Variants in NXNL1 observed in about 807,000 individuals in gnomAD.
The protein encoded by NXNL1 is nucleoredoxin-like protein 1.
NXNL1 carries 6 observed loss-of-function variants against 7.2 expected under a neutral mutation model. The observed-to-expected ratio is 0.83, with a 90% CI of 0.46 to 1.64. NXNL1 has a LOEUF of 1.64. Ranked by LOEUF, NXNL1 falls within the 40% of genes most tolerant of loss-of-function variation. The probability of loss-of-function intolerance (pLI) is 0.01; values close to 1 mark genes in which losing one functional copy is unlikely to be tolerated. For missense variants in NXNL1, 308 were observed against 285.1 expected (o/e 1.08, Z -0.58); for synonymous variants, 133 against 127.2 (o/e 1.05, Z -0.31).
rs867358346 is a variant in NXNL1 at position 17,460,815 on chromosome 19, C to T, written c.55G>A (p.Glu19Lys). ...CTGACCTCAGCCTCCGTATCCAGCT[C>T]GTCCTGGTCGCTATTGTTGCGGATC... ...ILIRNNSDQDELDTEAEVSRR... is the reference protein window; with the variant it reads ...ILIRNNSDQDKLDTEAEVSRR... The change falls in exon 1 of 2, where the codon GAG becomes AAG. Residue 19 changes from glutamate to lysine, a missense_variant. By Grantham distance (56) the Glu-to-Lys change is moderately conservative. Transcript: ENST00000301944. The T allele has an allele frequency of 6.8e-6, 11 of 1,613,830 alleles. No individual in the cohort carries two copies. Among genetic ancestry groups the T allele is most frequent in the Middle Eastern group, 1.6e-4 (1 of 6,062 alleles).
At chr19:17,456,291 T>C (rs2074993121) in intron 1 of NXNL1, among the ~76,000 whole-genome samples, 1 of 135,872 alleles carries the variant, frequency 7.4e-6, no homozygotes, top group Non-Finnish European at 1.6e-5. Context: ...TTATTTGTAG[T>C]AAGACCCTGT....
At chr19:17,456,439 G>A (rs952957041) in intron 1 of NXNL1, among the ~76,000 whole-genome samples, 22 of 151,956 alleles carry the variant, frequency 1.4e-4, no homozygotes, top group Non-Finnish European at 2.9e-4. Context: ...CCAGGATTTC[G>A]AGGCTGCAGT....
In NXNL1 at chr19:17,458,596, ATTTTTT is replaced by A. The variant is rs34265338; in HGVS notation, c.326+1942_326+1947del. Among the ~76,000 whole-genome samples, 179 of 87,858 alleles carry A rather than the reference ATTTTTT, an allele frequency of 2.0e-3. No homozygotes were observed. The Middle Eastern group carries it at 0.049, about 24-fold the overall frequency. 57.6% of individuals were successfully genotyped at this position (87,858 alleles called of 152,430 possible). A position where few individuals can be genotyped will look rare whatever the true frequency, so the allele number is the denominator to read the frequency against. ...TAAATTTTTTTAAAGGATCTTTTTA[ATTTTTT>A]TTTTTTTTTTTTTTTTTGAGACAGA... On this transcript the variant is annotated intron_variant, in intron 1 of 1. Transcript: ENST00000301944.
At chr19:17,457,652 C>T (rs547584609) in intron 1 of NXNL1, among the ~76,000 whole-genome samples, 63 of 152,278 alleles carry the variant, frequency 4.1e-4, no homozygotes, top group Non-Finnish European at 7.2e-4. Context: ...GGATTACAGG[C>T]ATGAACCACT....
At position 17,455,521 on chromosome 19, in the gene NXNL1, G is replaced by T; in HGVS notation, c.*126C>A. ...TCACTCTCTTGCCCAGGTTGATCTCGAACCTCTGGGCTCAAGCGATCCTCC... is the reference window on the plus strand; with the variant it reads ...TCACTCTCTTGCCCAGGTTGATCTCTAACCTCTGGGCTCAAGCGATCCTCC... On this transcript the variant is annotated 3_prime_UTR_variant, in exon 2 of 2. Coordinates refer to ENST00000301944, the MANE Select transcript of NXNL1 (RefSeq NM_138454.2). 1.6e-6 allele frequency: 1 copy of T among 632,926 alleles called. No individual in the cohort carries two copies. The highest frequency in any genetic ancestry group is 1.8e-5 in the African/African-American group (1 of 54,244). 39.2% of individuals were successfully genotyped at this position (632,926 alleles called of 1,614,324 possible). A position where few individuals can be genotyped will look rare whatever the true frequency, so the allele number is the denominator to read the frequency against.
At chr19:17,458,220 C>CTTTTTTTTTTTTTTTTTTTTTTTTTT (rs756873224) in intron 1 of NXNL1, among the ~76,000 whole-genome samples, 1 of 122,182 alleles carries the variant, frequency 8.2e-6, no homozygotes. Context: ...TTCTTTCTTT[C>CTTTTTTTTTTTTTTTTTTTTTTTTTT]TTTTTTTTTT....
At chr19:17,460,453 AG>A (rs2075008277) in intron 1 of NXNL1, 90 bp downstream of exon 1, 1 of 1,372,860 alleles carries the variant, frequency 7.3e-7, no homozygotes, top group African/African-American at 1.4e-5. Context: ...ACTGGCACAC[AG>A]GGGCTGCTCA....
At position 17,455,645 on chromosome 19, in the gene NXNL1, G is replaced by A. The variant is rs984306372; in HGVS notation, c.*2C>T. 7.3e-7 allele frequency: 1 copy of A among 1,362,358 alleles called. No homozygotes were observed. Among genetic ancestry groups the A allele is most frequent in the Non-Finnish European group, 1.0e-6 (1 of 990,176 alleles). 84.4% of individuals were successfully genotyped at this position (1,362,358 alleles called of 1,614,324 possible). A position where few individuals can be genotyped will look rare whatever the true frequency, so the allele number is the denominator to read the frequency against. ...CCCACTCCTCTCCTCCACCCTAGCG[G>A]GTCAGAACAGCCCCCCGGCCCCGCC... On this transcript the variant is annotated 3_prime_UTR_variant, in exon 2 of 2. Coordinates refer to ENST00000301944, the MANE Select transcript of NXNL1 (RefSeq NM_138454.2).
At chr19:17,456,724 T>C (rs941237511) in intron 1 of NXNL1, among the ~76,000 whole-genome samples, 2 of 152,036 alleles carry the variant, frequency 1.3e-5, no homozygotes, top group Non-Finnish European at 2.9e-5. Flanking sequence ...AATTTCAGCC[T>C]GCTGCATTCT....
chr19:17,460,399 G>T, intron 1 of NXNL1, 145 bp downstream of exon 1: 1 of 834,528 alleles, frequency 1.2e-6, no homozygotes, highest in South Asian at 1.8e-5. Context: ...CCAGCATGTG[G>T]AAGTGGGCAC....
Position 17,455,676 on chromosome 19 carries a change from C to T in NXNL1, c.610G>A (p.Glu204Lys). The change falls in exon 2 of 2, where the codon GAG (glutamate) becomes AAG (lysine). Residue 204 changes from glutamate (E) to lysine (K), a missense_variant. Glu to Lys is a moderately conservative substitution (Grantham distance 56). Coordinates refer to ENST00000301944, the MANE Select transcript of NXNL1 (RefSeq NM_138454.2). ...AACAGCCCCCCGGCCCCGCCCTCCT[C>T]CCCACCCCCTCCCCCGGGGTCGCGC... ...GGRDPGGGGG[E>K]EGGAGGLF 8.0e-7 allele frequency: 1 copy of T among 1,244,378 alleles called. No homozygotes were observed. Among genetic ancestry groups the T allele is most frequent in the Non-Finnish European group, 1.1e-6 (1 of 889,050 alleles). 77.1% of individuals were successfully genotyped at this position (1,244,378 alleles called of 1,614,324 possible).
At chr19:17,459,542 C>A (rs538790623) in intron 1 of NXNL1, among the ~76,000 whole-genome samples, 84 of 152,004 alleles carry the variant, frequency 5.5e-4, no homozygotes, top group African/African-American at 1.9e-3. Flanking sequence ...CTCAGCCTCG[C>A]AAGTAGCTGG....
Position 17,455,677 on chromosome 19 carries a change from C to CCCCCCCCCCCCCCCCGGGGGG in NXNL1, c.608_609insCCCCCCGGGGGGGGGGGGGGG (p.Gly203_Glu204insProProGlyGlyGlyGlyGly). On this transcript the variant is annotated inframe_insertion, in exon 2 of 2. Transcript: ENST00000301944. ...ACAGCCCCCCGGCCCCGCCCTCCTC[C>CCCCCCCCCCCCCCCCGGGGGG]CCACCCCCTCCCCCGGGGTCGCGCC... 7.2e-7 allele frequency: 1 copy of CCCCCCCCCCCCCCCCGGGGGG among 1,393,124 alleles called. No individual in the cohort carries two copies. Among genetic ancestry groups the CCCCCCCCCCCCCCCCGGGGGG allele is most frequent in the Non-Finnish European group, 9.8e-7 (1 of 1,023,082 alleles). 86.3% of individuals were successfully genotyped at this position (1,393,124 alleles called of 1,614,324 possible). A position where few individuals can be genotyped will look rare whatever the true frequency, so the allele number is the denominator to read the frequency against.
rs2074988670 is a variant in NXNL1, at chr19:17,455,531, G to C, written c.*116C>G. Reference sequence around the variant, plus strand: ...GCCCAGGTTGATCTCGAACCTCTGGGCTCAAGCGATCCTCCCGCCTTGGCC... The same window carrying C: ...GCCCAGGTTGATCTCGAACCTCTGGCCTCAAGCGATCCTCCCGCCTTGGCC... On this transcript the variant is annotated 3_prime_UTR_variant, in exon 2 of 2. Coordinates refer to ENST00000301944, the MANE Select transcript of NXNL1 (RefSeq NM_138454.2). The C allele has an allele frequency of 1.5e-5, 10 of 654,562 alleles. No individual in the cohort carries two copies. The highest frequency in any genetic ancestry group is 9.6e-5 in the South Asian group (5 of 51,914). The allele number at this position is 654,562 out of a possible 1,614,324, so 40.5% of individuals were successfully genotyped here.
At position 17,460,674 on chromosome 19, in the gene NXNL1, A is replaced by G. The variant is rs374980877; in HGVS notation, c.196T>C (p.Tyr66His). The change falls in exon 1 of 2, where the codon TAT (tyrosine) becomes CAT (histidine). Residue 66 changes from tyrosine (Y) to histidine (H), a missense_variant. Transcript: ENST00000301944. ...DFFVRLTDEF[Y>H]VLRAAQLALV... is the part of the protein sequence containing the mutation. ...GCCAGCTGAGCCGCCCGCAGTACATAGAACTCATCTGTGAGCCGCACGAAG... is the reference window on the plus strand; with the variant it reads ...GCCAGCTGAGCCGCCCGCAGTACATGGAACTCATCTGTGAGCCGCACGAAG... The G allele has an allele frequency of 1.2e-5, 19 of 1,613,704 alleles. No homozygotes were observed. In the African/African-American group the frequency reaches 2.0e-4, roughly 17 times the overall value.
rs768188930 is a variant in NXNL1, at chr19:17,455,777, T to C, written c.509A>G (p.Glu170Gly). ...DRNFQLPEDL[E>G]DQEPRSLTEC... ...GGTGAGGCTCCGTGGCTCCTGGTCCTCCAGGTCCTCTGGCAGCTGGAAGTT... is the reference window on the plus strand; with the variant it reads ...GGTGAGGCTCCGTGGCTCCTGGTCCCCCAGGTCCTCTGGCAGCTGGAAGTT... The change falls in exon 2 of 2, where the codon GAG (glutamate) becomes GGG (glycine). Residue 170 changes from glutamate to glycine, a missense_variant. Transcript: ENST00000301944. 5.8e-6 allele frequency: 9 copies of C among 1,548,310 alleles called. No homozygotes were observed. In the Admixed American group the frequency reaches 1.3e-4, roughly 23 times the overall value.
In NXNL1 at chr19:17,455,674, C is replaced by CACCA; in HGVS notation, c.611_612insTGGT (p.Glu204AspfsTer14). 8.7e-7 allele frequency: 1 copy of CACCA among 1,151,444 alleles called. No individual in the cohort carries two copies. Among genetic ancestry groups the CACCA allele is most frequent in the Non-Finnish European group, 1.2e-6 (1 of 815,624 alleles). The allele number at this position is 1,151,444 out of a possible 1,614,324, so 71.3% of individuals were successfully genotyped here. A position where few individuals can be genotyped will look rare whatever the true frequency, so the allele number is the denominator to read the frequency against. The stretch of plus-strand genomic sequence containing the variant: ...AGAACAGCCCCCCGGCCCCGCCCTC[C>CACCA]TCCCCACCCCCTCCCCCGGGGTCGC... On this transcript the variant is annotated frameshift_variant, in exon 2 of 2. Coordinates refer to ENST00000301944, the MANE Select transcript of NXNL1 (RefSeq NM_138454.2). LOFTEE classifies it high-confidence loss of function.
In NXNL1 at chr19:17,455,694, G is replaced by T. The variant is rs1308881778; in HGVS notation, c.592C>A (p.Pro198Thr). 7 of 1,021,982 alleles carry T rather than the reference G, an allele frequency of 6.8e-6. No homozygotes were observed. In the Admixed American group the frequency reaches 1.7e-4, roughly 25 times the overall value. The allele number at this position is 1,021,982 out of a possible 1,614,324, so 63.3% of individuals were successfully genotyped here. A position where few individuals can be genotyped will look rare whatever the true frequency, so the allele number is the denominator to read the frequency against. Residue 198 changes from proline (P) to threonine (T), a missense_variant, in exon 2 of 2, where the codon CCC becomes ACC. By Grantham distance (38) the Pro-to-Thr change is conservative (BLOSUM62 -1). Coordinates refer to ENST00000301944, the MANE Select transcript of NXNL1 (RefSeq NM_138454.2). ...VEKAARGGRD[P>T]GGGGGEEGGA... ...CCCTCCTCCCCACCCCCTCCCCCGG[G>T]GTCGCGCCCGCCTCGCGCCGCCTTT...
At chr19:17,458,281 A>G (rs371305714) in intron 1 of NXNL1, among the ~76,000 whole-genome samples, 29 of 133,086 alleles carry the variant, frequency 2.2e-4, no homozygotes, top group African/African-American at 8.4e-4. Flanking sequence ...GTGCAGTGGC[A>G]CGATCTCGGG....
Sources: allele counts gnomAD v4.1 joint callset (sites outside exome capture counted in the v4.1 genomes callset), GRCh38; gene constraint gnomAD v4.1.1; transcripts MANE v1.5; gene names NCBI Gene and HGNC (gene_info 2026-07-23, HGNC 2026-07-21).